HSD17B12: variants seen among roughly 807,000 people sequenced by gnomAD.
HSD17B12 encodes the protein hydroxysteroid 17-beta dehydrogenase 12.
HSD17B12 carries 32 observed loss-of-function variants against 39.3 expected under a neutral mutation model. That is an observed-to-expected ratio of 0.81 (90% CI 0.61 to 1.09). The LOEUF is 1.09. HSD17B12 is among the 50% of genes least tolerant of loss of function. The pLI is 0.00. For missense variants in HSD17B12, 342 were observed against 382.9 expected (o/e 0.89, Z 0.89); for synonymous variants, 150 against 146.7 (o/e 1.02, Z -0.16).
At chr11:43,721,021 A>G (rs1950171476) in intron 1 of HSD17B12, among the ~76,000 whole-genome samples, 1 of 151,826 alleles carries the variant, frequency 6.6e-6, no homozygotes, top group Non-Finnish European at 1.5e-5. Context: ...TCCTATAGGT[A>G]TTTGATTTTG....
intron 1 of HSD17B12, among the ~76,000 whole-genome samples, chr11:43,687,465 G>C (rs1005283176): frequency 6.6e-6 from 1 of 152,224 alleles, no homozygotes; most frequent in Non-Finnish European, 1.5e-5. Context: ...ATTTGTGAGG[G>C]AAAGTTCTAG....
At chr11:43,774,404 A>C (rs1950679121) in intron 3 of HSD17B12, among the ~76,000 whole-genome samples, 1 of 151,978 alleles carries the variant, frequency 6.6e-6, no homozygotes, top group African/African-American at 2.4e-5. Flanking sequence ...TAGTAGAGGC[A>C]GGGTTTTACC....
chr11:43,706,309 C>T (rs1216941950), intron 1 of HSD17B12, among the ~76,000 whole-genome samples: 1 of 152,078 alleles, frequency 6.6e-6, no homozygotes, highest in Non-Finnish European at 1.5e-5. Flanking sequence ...TTTGGGAGGC[C>T]GAGGTGGGCA....
intron 1 of HSD17B12, among the ~76,000 whole-genome samples, chr11:43,714,613 T>C (rs1387715575): frequency 6.6e-6 from 1 of 152,222 alleles, no homozygotes; most frequent in Non-Finnish European, 1.5e-5. Context: ...GCGGGCTCTT[T>C]TTTGGTTCCA....
chr11:43,702,696 C>T (rs1435807343), intron 1 of HSD17B12, among the ~76,000 whole-genome samples: 1 of 152,186 alleles, frequency 6.6e-6, no homozygotes, highest in Admixed American at 6.5e-5. Context: ...GATGATCTTT[C>T]TAATGCAAGC....
At chr11:43,703,923 A>G (rs1949990591) in intron 1 of HSD17B12, among the ~76,000 whole-genome samples, 1 of 149,168 alleles carries the variant, frequency 6.7e-6, no homozygotes, top group South Asian at 2.1e-4. Flanking sequence ...TCTGATCCTT[A>G]TTTTTTATTT....
At chr11:43,697,755 T>G (rs1949925360) in intron 1 of HSD17B12, among the ~76,000 whole-genome samples, 1 of 152,178 alleles carries the variant, frequency 6.6e-6, no homozygotes, top group Non-Finnish European at 1.5e-5. Flanking sequence ...CAGGAAGTTT[T>G]TCTAAAAGAA....
At chr11:43,755,999 G>T (rs1409820454) in intron 3 of HSD17B12, among the ~76,000 whole-genome samples, 1 of 152,102 alleles carries the variant, frequency 6.6e-6, no homozygotes, top group African/African-American at 2.4e-5. Context: ...AGTGAAAGAG[G>T]TTTCCCCTAT....
At chr11:43,615,174 G>A in the HSD17B12 span, among the ~76,000 whole-genome samples, 1 of 152,102 alleles carries the variant, frequency 6.6e-6, no homozygotes, top group African/African-American at 2.4e-5. Flanking sequence ...TTTTTAGGTG[G>A]GGTATAGAGT....
At chr11:43,784,323 T>C (rs1185386445) in intron 3 of HSD17B12, among the ~76,000 whole-genome samples, 1 of 148,240 alleles carries the variant, frequency 6.7e-6, no homozygotes, top group Non-Finnish European at 1.5e-5. Context: ...TTATTATTAT[T>C]ATTATTATTA....
the HSD17B12 span, among the ~76,000 whole-genome samples, chr11:43,654,116 G>A: frequency 6.6e-6 from 1 of 151,962 alleles, no homozygotes; most frequent in Non-Finnish European, 1.5e-5. Context: ...ATCTCATTGT[G>A]GTTTTGATTT....
chr11:43,606,500 A>G, the HSD17B12 span, among the ~76,000 whole-genome samples: 2 of 152,218 alleles, frequency 1.3e-5, no homozygotes, highest in Non-Finnish European at 2.9e-5. Context: ...GATTTATAAG[A>G]TACTTTCTCA....
chr11:43,676,759 A>G (rs1174452919), upstream of HSD17B12, among the ~76,000 whole-genome samples: 1 of 152,226 alleles, frequency 6.6e-6, no homozygotes, highest in East Asian at 1.9e-4. Context: ...GATTCACAGC[A>G]TAGTGTTCCC....
At chr11:43,729,221 A>T (rs565496997) in intron 1 of HSD17B12, among the ~76,000 whole-genome samples, 2 of 152,358 alleles carry the variant, frequency 1.3e-5, no homozygotes, top group East Asian at 3.9e-4. Flanking sequence ...CATCTTAGGG[A>T]TCAATGACAA....
intron 3 of HSD17B12, among the ~76,000 whole-genome samples, chr11:43,754,353 ACCTG>A (rs1950491311): frequency 6.6e-6 from 1 of 152,080 alleles, no homozygotes; most frequent in African/African-American, 2.4e-5. Context: ...CGGGTGGATT[ACCTG>A]AGATCAGGAG....
chr11:43,769,886 ATTC>A (rs1950633056), intron 3 of HSD17B12, among the ~76,000 whole-genome samples: 1 of 152,284 alleles, frequency 6.6e-6, no homozygotes, highest in Non-Finnish European at 1.5e-5. Context: ...TCCATTTTGT[ATTC>A]TTTCGATAGA....
intron 3 of HSD17B12, among the ~76,000 whole-genome samples, chr11:43,777,249 T>C (rs894441510): frequency 2.0e-5 from 3 of 152,222 alleles, no homozygotes; most frequent in Admixed American, 1.3e-4. Flanking sequence ...CATGGAATGT[T>C]CTTCCATTTG....
the HSD17B12 span, among the ~76,000 whole-genome samples, chr11:43,624,839 TGAAATTCATTCATGCCA>T: frequency 7.3e-4 from 111 of 151,960 alleles, 1 homozygote; most frequent in East Asian, 4.2e-3. Context: ...AAATAAAATT[TGAAATTCATTCATGCCA>T]GAAATTACTA....
Position 43,716,505 on chromosome 11 carries a change from T to C in HSD17B12, c.161-34406T>C, listed in dbSNP as rs148942750. Among the ~76,000 whole-genome samples, 1,342 of 152,172 alleles carry C rather than the reference T, an allele frequency of 8.8e-3. 13 individuals carry two copies. Among genetic ancestry groups the C allele is most frequent in the Middle Eastern group, 0.017 (5 of 294 alleles). Reference sequence around the variant, plus strand: ...TCTCCTTGGAATATTAACCCCATTCTACCGACAAGAGAACCATGATTTAAT... The same window carrying C: ...TCTCCTTGGAATATTAACCCCATTCCACCGACAAGAGAACCATGATTTAAT... On this transcript the variant is annotated intron_variant, in intron 1 of 10. Transcript: ENST00000278353.
Sources: allele counts gnomAD v4.1 joint callset (sites outside exome capture counted in the v4.1 genomes callset), GRCh38; gene constraint gnomAD v4.1.1; transcripts MANE v1.5; gene names NCBI Gene and HGNC (gene_info 2026-07-23, HGNC 2026-07-21).